The following PTK2B variants were observed in gnomAD, a reference collection of about 807,000 sequenced individuals.
PTK2B encodes protein tyrosine kinase 2 beta, also known as protein-tyrosine kinase 2-beta.
In PTK2B, 71 loss-of-function variants were observed where a neutral mutation model predicts 142.9. The observed-to-expected ratio is 0.50, with a 90% confidence interval of 0.41 to 0.61. The LOEUF is 0.61. Among genes scored for constraint, PTK2B ranks in the 20% least tolerant of loss-of-function variants. PTK2B has a pLI of 0.00. For missense variants in PTK2B, 1,105 were observed against 1,320.4 expected, an observed-to-expected ratio of 0.84 and a Z score of 2.53; for synonymous variants, 519 against 503.4, an observed-to-expected ratio of 1.03 and a Z score of -0.42.
intron 3 of PTK2B, among the ~76,000 whole-genome samples, chr8:27,316,647 T>C (rs1277757753): frequency 6.6e-6 from 1 of 152,226 alleles, no homozygotes; most frequent in Non-Finnish European, 1.5e-5. Context: ...TCATCAGAGT[T>C]ACCAAGTAAA....
intron 1 of PTK2B, among the ~76,000 whole-genome samples, chr8:27,384,991 A>T: frequency 6.6e-6 from 1 of 152,172 alleles, no homozygotes; most frequent in Admixed American, 6.5e-5. Context: ...CAGAATCTTC[A>T]TCACTGCAGG....
At chr8:27,446,850 A>T (rs1172627285) in intron 24 of PTK2B, among the ~76,000 whole-genome samples, 1 of 152,232 alleles carries the variant, frequency 6.6e-6, no homozygotes, top group African/African-American at 2.4e-5. Flanking sequence ...AATGAGCATG[A>T]TAACTTAGAA....
intron 9 of PTK2B, 30 bp downstream of exon 9, chr8:27,431,502 C>T (rs1043803258): frequency 5.6e-6 from 9 of 1,612,674 alleles, no homozygotes; most frequent in Non-Finnish European, 6.8e-6. Context: ...CCCCACCCAG[C>T]CCCAGGCGGG....
chr8:27,454,328 T>C, intron 29 of PTK2B, 37 bp downstream of exon 29: 1 of 1,600,512 alleles, frequency 6.2e-7, no homozygotes, highest in Non-Finnish European at 8.5e-7. Flanking sequence ...TGGAGGCGGC[T>C]CAAGTCCGCC....
intron 2 of PTK2B, among the ~76,000 whole-genome samples, chr8:27,418,856 C>T (rs1809564018): frequency 6.6e-6 from 1 of 152,124 alleles, no homozygotes; most frequent in African/African-American, 2.4e-5. Context: ...GATAAAACCC[C>T]ATCTCTACTA....
At chr8:27,334,257 G>A (rs867378442) in intron 1 of PTK2B, among the ~76,000 whole-genome samples, 15 of 152,082 alleles carry the variant, frequency 9.9e-5, no homozygotes, top group African/African-American at 3.1e-4. Context: ...ATGCCTGCAG[G>A]CAAATCCAGC....
intron 27 of PTK2B, chr8:27,452,772 G>T (rs112502234): frequency 3.3e-6 from 1 of 304,548 alleles, no homozygotes; most frequent in Non-Finnish European, 6.0e-6. Context: ...TGGCATCAGA[G>T]AGAGAGGTTT....
chr8:27,400,505 T>C (rs1393162223), intron 2 of PTK2B, among the ~76,000 whole-genome samples: 3 of 150,670 alleles, frequency 2.0e-5, no homozygotes, highest in African/African-American at 7.3e-5. Flanking sequence ...GTGGTCATAC[T>C]GCAAAAGGAA....
At chr8:27,355,473 G>C (rs1400410856) in intron 1 of PTK2B, among the ~76,000 whole-genome samples, 1 of 152,172 alleles carries the variant, frequency 6.6e-6, no homozygotes, top group Non-Finnish European at 1.5e-5. Context: ...ACCCCAGAAA[G>C]AAGTCAACCC....
chr8:27,379,854 C>T (rs1806905412), intron 1 of PTK2B, among the ~76,000 whole-genome samples: 2 of 152,172 alleles, frequency 1.3e-5, no homozygotes, highest in Non-Finnish European at 2.9e-5. Flanking sequence ...GATTCTCCCA[C>T]CTCAGCCTCT....
At chr8:27,353,993 C>T (rs1438018866) in intron 1 of PTK2B, among the ~76,000 whole-genome samples, 1 of 152,150 alleles carries the variant, frequency 6.6e-6, no homozygotes, top group Non-Finnish European at 1.5e-5. Context: ...CAGCTGAACT[C>T]AGGTGTGGTG....
chr8:27,344,425 A>G (rs887142866), intron 1 of PTK2B, among the ~76,000 whole-genome samples: 2 of 152,222 alleles, frequency 1.3e-5, no homozygotes, highest in Non-Finnish European at 2.9e-5. Flanking sequence ...GCTTTCCTGC[A>G]TGCTGAAGGG....
intron 1 of PTK2B, chr8:27,326,769 G>A (rs1803444221): frequency 6.6e-6 from 1 of 152,616 alleles, no homozygotes; most frequent in Non-Finnish European, 1.5e-5. Flanking sequence ...CAGAAGGGAG[G>A]AAGGAAGTAG....
At chr8:27,371,942 G>A (rs561342010) in intron 1 of PTK2B, among the ~76,000 whole-genome samples, 38 of 152,326 alleles carry the variant, frequency 2.5e-4, no homozygotes, top group Non-Finnish European at 4.4e-4. Context: ...AGGCAGAGGC[G>A]CATGGCCTGG....
At chr8:27,448,265 G>A (rs1365415820) in intron 24 of PTK2B, among the ~76,000 whole-genome samples, 1 of 152,224 alleles carries the variant, frequency 6.6e-6, no homozygotes, top group Non-Finnish European at 1.5e-5. Context: ...TGGAAATAAA[G>A]CCAACAGATG....
chr8:27,452,744 G>A (rs150173875), intron 27 of PTK2B: 6 of 254,916 alleles, frequency 2.4e-5, no homozygotes, highest in East Asian at 2.3e-4. Context: ...CCAGGTCAGG[G>A]GCACCACAGA....
chr8:27,435,622 TG>T, intron 13 of PTK2B, 120 bp from the exon 14 acceptor site: 1 of 1,222,906 alleles, frequency 8.2e-7, no homozygotes, highest in Middle Eastern at 2.5e-4. Flanking sequence ...GGGACATGCC[TG>T]GCTTCTCCTC....
chr8:27,337,469 C>A (rs1450206762), intron 1 of PTK2B, among the ~76,000 whole-genome samples: 1 of 152,126 alleles, frequency 6.6e-6, no homozygotes, highest in Non-Finnish European at 1.5e-5. Context: ...AGAATATTCT[C>A]GTCACTCCAA....
In PTK2B at chr8:27,397,677, A is replaced by G. The variant is rs1808141894; in HGVS notation, c.93A>G (p.Val31=). The change falls in exon 2 of 31, where the codon GTA becomes GTG. Residue 31 remains valine, a synonymous_variant. Transcript: ENST00000346049. Reference sequence around the variant, plus strand: ...CAGAGCCCATGGTGGTGGTACCAGTAGATGTGGAAAAGGAGGACGTGCGTA... The same window carrying G: ...CAGAGCCCATGGTGGTGGTACCAGTGGATGTGGAAAAGGAGGACGTGCGTA... ...GPAEPMVVVP[V]DVEKEDVRIL... is the part of the protein sequence containing the mutation. 1.2e-6 allele frequency: 2 copies of G among 1,614,270 alleles called. No homozygotes were observed.
Sources: allele counts gnomAD v4.1 joint callset (sites outside exome capture counted in the v4.1 genomes callset), GRCh38; gene constraint gnomAD v4.1.1; transcripts MANE v1.5; gene names NCBI Gene and HGNC (gene_info 2026-07-23, HGNC 2026-07-21).